SEL1L: variants seen among roughly 807,000 people sequenced by gnomAD.
SEL1L encodes SEL1L adaptor subunit of SYVN1 ubiquitin ligase.
Under a neutral mutation model 109.8 loss-of-function variants are expected in SEL1L, and 52 were observed. The ratio of observed to expected loss-of-function variants is 0.47; its 90% CI spans 0.38 to 0.60. The LOEUF is 0.60. Ranked by LOEUF, SEL1L falls within the 20% of genes least tolerant of loss-of-function variation. The probability of loss-of-function intolerance (pLI) is 0.00; values close to 1 mark genes in which losing one functional copy is unlikely to be tolerated. For synonymous variants in SEL1L, 373 were observed against 339.6 expected (o/e 1.10, Z -1.08); for missense variants, 749 against 962.2 (o/e 0.78, Z 2.93).
At chr14:81,513,934 A>G (rs1286865465) in intron 3 of SEL1L, among the ~76,000 whole-genome samples, 2 of 152,142 alleles carry the variant, frequency 1.3e-5, no homozygotes, top group Non-Finnish European at 2.9e-5. Context: ...CGCCCAAGTG[A>G]GACTCGCCCA....
rs1292159028 is a variant in SEL1L, at chr14:81,495,116, G to A, written c.1150C>T (p.Leu384=). 2 of 1,614,090 alleles carry A rather than the reference G, an allele frequency of 1.2e-6. No homozygotes were observed. The highest frequency in any genetic ancestry group is 1.7e-6 in the Non-Finnish European group (2 of 1,179,992). Reference sequence around the variant, plus strand: ...TGTTCTACTCCACGCCCTCCGTGCAGGTGCAGTTGTCCAAGACCAACCTGA... The same window carrying A: ...TGTTCTACTCCACGCCCTCCGTGCAAGTGCAGTTGTCCAAGACCAACCTGA... ...QAQVGLGQLH[L]HGGRGVEQNH... Residue 384 remains leucine (L), a synonymous_variant, in exon 11 of 21, where the codon CTG becomes TTG. Coordinates refer to ENST00000336735, the MANE Select transcript of SEL1L (RefSeq NM_005065.6).
chr14:81,479,453 C>T, intron 20 of SEL1L, 159 bp downstream of exon 20: 1 of 540,756 alleles, frequency 1.8e-6, no homozygotes, highest in Non-Finnish European at 3.0e-6. Flanking sequence ...TTTATCCCTC[C>T]CCTGATAAGG....
chr14:81,499,003 C>T (rs1197096248), intron 8 of SEL1L: 1 of 535,412 alleles, frequency 1.9e-6, no homozygotes, highest in Non-Finnish European at 2.4e-6. Flanking sequence ...TCTCTGGAGT[C>T]ATTCTGCACA....
intron 15 of SEL1L, 23 bp downstream of exon 15, chr14:81,487,832 T>C (rs769074892): frequency 1.9e-6 from 3 of 1,611,910 alleles, no homozygotes; most frequent in South Asian, 1.1e-5. Context: ...GGTGTATCCA[T>C]CATTAATTCC....
At chr14:81,517,697 T>C (rs1212466731) in intron 3 of SEL1L, among the ~76,000 whole-genome samples, 3 of 152,238 alleles carry the variant, frequency 2.0e-5, no homozygotes, top group Admixed American at 2.0e-4. Flanking sequence ...CTATTGCATC[T>C]AGATGTATTG....
chr14:81,475,055 T>C lies in SEL1L; in HGVS notation c.*1917A>G, dbSNP rs1189678289. 1 of 152,208 alleles carries C rather than the reference T, an allele frequency of 6.6e-6. No homozygotes were observed. Among genetic ancestry groups the C allele is most frequent in the East Asian group, 1.9e-4 (1 of 5,194 alleles). The allele number at this position is 152,208 out of a possible 1,614,324, so 9.4% of individuals were successfully genotyped here. A position where few individuals can be genotyped will look rare whatever the true frequency, so the allele number is the denominator to read the frequency against. On this transcript the variant is annotated 3_prime_UTR_variant, in exon 21 of 21. Transcript: ENST00000336735. ...GGTTTTTCAACTTTTAAATAAATTA[T>C]AACAGTTCCTTCTAAAGGAAGTGTG...
intron 2 of SEL1L, 116 bp from the exon 3 acceptor site, chr14:81,527,080 C>T: frequency 1.4e-6 from 1 of 736,174 alleles, no homozygotes; most frequent in Non-Finnish European, 2.4e-6. Flanking sequence ...TGAAGTGCCA[C>T]ACTCACTCAT....
At chr14:81,485,826 G>A in intron 17 of SEL1L, 80 bp from the exon 18 acceptor site, 1 of 1,092,554 alleles carries the variant, frequency 9.2e-7, no homozygotes. Flanking sequence ...AAGTAGGAAG[G>A]ATAGGTGAAG....
At chr14:81,523,269 C>A (rs1384690642) in intron 3 of SEL1L, among the ~76,000 whole-genome samples, 1 of 152,116 alleles carries the variant, frequency 6.6e-6, no homozygotes, top group Non-Finnish European at 1.5e-5. Flanking sequence ...AAAAGTTGAG[C>A]CAATAAATCA....
intron 10 of SEL1L, among the ~76,000 whole-genome samples, chr14:81,497,359 G>A (rs1049482428): frequency 4.6e-5 from 7 of 152,124 alleles, no homozygotes; most frequent in Admixed American, 1.3e-4. Context: ...AAGAAGCCAC[G>A]AAACCTGTGT....
chr14:81,519,883 G>A (rs1884842503), intron 3 of SEL1L, among the ~76,000 whole-genome samples: 1 of 152,208 alleles, frequency 6.6e-6, no homozygotes, highest in Non-Finnish European at 1.5e-5. Context: ...TGTGTTTGGA[G>A]AACAGAAAAG....
chr14:81,506,011 C>A, intron 4 of SEL1L, 63 bp downstream of exon 4: 1 of 1,487,380 alleles, frequency 6.7e-7, no homozygotes, highest in Non-Finnish European at 9.1e-7. Context: ...TAGAAAAAGG[C>A]CTTAAAAACA....
chr14:81,503,204 C>G (rs371020199), intron 5 of SEL1L, among the ~76,000 whole-genome samples: 50 of 152,162 alleles, frequency 3.3e-4, no homozygotes, highest in Admixed American at 3.3e-3. Context: ...GTTGGTCAGG[C>G]TGATCTCGAA....
chr14:81,522,029 T>A (rs116642956), intron 3 of SEL1L, among the ~76,000 whole-genome samples: 4,490 of 152,156 alleles, frequency 0.03, 190 homozygotes, highest in African/African-American at 0.096. Context: ...TAAAAAAAAA[T>A]TTAAAAATAG....
chr14:81,487,401 T>A lies in SEL1L; in HGVS notation c.1621A>T (p.Thr541Ser), dbSNP rs1903553420. 6.3e-7 allele frequency: 1 copy of A among 1,587,416 alleles called. No homozygotes were observed. The highest frequency in any genetic ancestry group is 2.0e-5 in the Admixed American group (1 of 50,126). The part of the protein sequence containing the change: ...SGTGVMRSCH[T>S]AVELFKNVCE... ...AGGAAAGACCTTACCTCCACTGCAG[T>A]GTGACATGATCGCATCACGCCGGTG... Residue 541 changes from threonine to serine, a missense_variant, in exon 16 of 21, where the codon ACT (threonine) becomes TCT (serine). Thr to Ser is a moderately conservative substitution (Grantham distance 58). Coordinates refer to ENST00000336735, the MANE Select transcript of SEL1L (RefSeq NM_005065.6).
In SEL1L at chr14:81,513,815, T is replaced by C. The variant is rs370905225; in HGVS notation, c.341-7574A>G. On this transcript the variant is annotated intron_variant, in intron 3 of 20. Coordinates refer to ENST00000336735, the MANE Select transcript of SEL1L (RefSeq NM_005065.6). ...GCCTGGAACCAGCTTCCGCTTTCCC[T>C]GTACTTCTCGGCTGAGCCAAGGGTG... Among the ~76,000 whole-genome samples the C allele has an allele frequency of 6.6e-5, 10 of 152,296 alleles. No individual in the cohort carries two copies. In the South Asian group the frequency reaches 1.9e-3, roughly 28 times the overall value.
chr14:81,489,421 T>A, intron 13 of SEL1L, 107 bp from the exon 14 acceptor site: 1 of 878,290 alleles, frequency 1.1e-6, no homozygotes, highest in Admixed American at 2.5e-5. Flanking sequence ...CAAAAACATG[T>A]CTTAGTACTT....
intron 3 of SEL1L, among the ~76,000 whole-genome samples, chr14:81,525,313 C>G (rs902840862): frequency 4.6e-5 from 7 of 151,394 alleles, no homozygotes; most frequent in African/African-American, 1.7e-4. Context: ...CTTTGGGAGG[C>G]CAAAGAGGGA....
intron 20 of SEL1L, 176 bp downstream of exon 20, chr14:81,479,435 TG>T (rs1903272929): frequency 4.5e-6 from 2 of 448,594 alleles, no homozygotes; most frequent in Admixed American, 8.2e-5. Flanking sequence ...AGCTGCTTTA[TG>T]CCTGCATTTA....
Sources: gnomAD v4.1 joint callset for allele counts (sites outside exome capture counted in the v4.1 genomes callset) on GRCh38, gnomAD v4.1.1 for gene constraint, MANE v1.5 for transcripts, NCBI Gene and HGNC (gene_info 2026-07-23, HGNC 2026-07-21) for gene names.